Variants in HCN2 observed in about 807,000 individuals in gnomAD.
HCN2 encodes hyperpolarization activated cyclic nucleotide gated potassium and sodium channel 2.
In HCN2, 20 loss-of-function variants were observed where a neutral mutation model predicts 52.3. That is an observed-to-expected ratio of 0.38 (90% CI 0.27 to 0.56). The LOEUF (loss-of-function observed/expected upper bound fraction) is 0.56, where lower values mean the gene tolerates loss of function less well. HCN2 is among the 20% of genes least tolerant of loss of function. The pLI is 0.71. For missense variants in HCN2, 981 were observed against 1,207.7 expected, an observed-to-expected ratio of 0.81 and a Z score of 2.78; for synonymous variants, 694 against 537.0, an observed-to-expected ratio of 1.29 and a Z score of -4.04.
chr19:617,147 G>C lies in HCN2; in HGVS notation c.*673G>C. Reference sequence around the variant, plus strand: ...CCCCCATTCCGCGCAATAAACGACAGCATTGGCGCCAAGCCTGGCCGCGTG... The same window carrying C: ...CCCCCATTCCGCGCAATAAACGACACCATTGGCGCCAAGCCTGGCCGCGTG... On this transcript the variant is annotated 3_prime_UTR_variant, in exon 8 of 8. Coordinates refer to ENST00000251287, the MANE Select transcript of HCN2 (RefSeq NM_001194.4). 2 of 652,484 alleles carry C rather than the reference G, an allele frequency of 3.1e-6. No individual in the cohort carries two copies. Among genetic ancestry groups the C allele is most frequent in the Non-Finnish European group, 5.1e-6 (2 of 395,576 alleles). 40.4% of individuals were successfully genotyped at this position (652,484 alleles called of 1,614,324 possible). A position where few individuals can be genotyped will look rare whatever the true frequency, so the allele number is the denominator to read the frequency against.
At chr19:594,402 T>C (rs1247268355) in intron 1 of HCN2, among the ~76,000 whole-genome samples, 1 of 152,190 alleles carries the variant, frequency 6.6e-6, no homozygotes, top group Admixed American at 6.5e-5. Flanking sequence ...CGTCTCCTGC[T>C]GCTGCTGACT....
intron 3 of HCN2, 37 bp downstream of exon 3, chr19:605,259 G>T: frequency 1.2e-6 from 2 of 1,601,156 alleles, no homozygotes; most frequent in Non-Finnish European, 1.7e-6. Flanking sequence ...GGGAGACGCA[G>T]GCTCCCATAC....
At chr19:594,936 C>T (rs545372841) in intron 1 of HCN2, among the ~76,000 whole-genome samples, 3 of 152,172 alleles carry the variant, frequency 2.0e-5, no homozygotes, top group South Asian at 2.1e-4. Flanking sequence ...CACTGTGGCT[C>T]ATGCCTGTAA....
At chr19:598,572 C>T (rs1983106393) in intron 1 of HCN2, among the ~76,000 whole-genome samples, 1 of 152,092 alleles carries the variant, frequency 6.6e-6, no homozygotes, top group Admixed American at 6.5e-5. Context: ...TCCCAAGGTG[C>T]TGGCATTAGA....
chr19:597,893 C>T (rs1172427397), intron 1 of HCN2, among the ~76,000 whole-genome samples: 1 of 152,200 alleles, frequency 6.6e-6, no homozygotes, highest in African/African-American at 2.4e-5. Flanking sequence ...TTCTAGGTCC[C>T]CCTTGGTGGT....
At chr19:615,346 A>T (rs1983849689) in intron 7 of HCN2, among the ~76,000 whole-genome samples, 1 of 130,066 alleles carries the variant, frequency 7.7e-6, no homozygotes, top group Non-Finnish European at 1.5e-5. Flanking sequence ...CGTCTCTACT[A>T]AAAAAAAAAT....
In HCN2 at chr19:591,916, C is replaced by T. The variant is rs1234656370; in HGVS notation, c.632+1339C>T. Among the ~76,000 whole-genome samples the T allele has an allele frequency of 6.6e-6, 1 of 152,158 alleles. No individual in the cohort carries two copies. The highest frequency in any genetic ancestry group is 1.5e-5 in the Non-Finnish European group (1 of 68,014). On this transcript the variant is annotated intron_variant, in intron 1 of 7. Transcript: ENST00000251287. The surrounding 1 kb of genome is among the most constrained non-coding windows in gnomAD (Gnocchi z 4.1). ...GGAGGAAGGCCCTGGAATCCTCCTC[C>T]CACCCCAGGCCTTCCTGAGAGGTGA...
chr19:602,426 C>A (rs1983237218), intron 1 of HCN2, among the ~76,000 whole-genome samples: 3 of 147,742 alleles, frequency 2.0e-5, no homozygotes, highest in Admixed American at 2.0e-4. Flanking sequence ...CCTCCTCTCT[C>A]CTCCTGCGTG....
chr19:597,890 TC>T (rs1983086226), intron 1 of HCN2, among the ~76,000 whole-genome samples: 1 of 152,170 alleles, frequency 6.6e-6, no homozygotes, highest in African/African-American at 2.4e-5. Flanking sequence ...AGTTTCTAGG[TC>T]CCCCTTGGTG....
rs1381728593 is a variant in HCN2 at position 590,563 on chromosome 19, G to A, written c.618G>A (p.Pro206=). The stretch of plus-strand genomic sequence containing the variant: ...CGGCGGGGGCCTGGATCATCCACCC[G>A]TACAGCGACTTCAGGTACCGCCTCC... ...VKSAGAWIIH[P]YSDFRFYWDF... The change falls in exon 1 of 8, where the codon CCG becomes CCA. Residue 206 remains proline, a synonymous_variant. Transcript: ENST00000251287. The surrounding 1 kb of genome is among the most constrained non-coding windows in gnomAD (Gnocchi z 7.2). 4 of 1,454,008 alleles carry A rather than the reference G, an allele frequency of 2.8e-6. No homozygotes were observed. The highest frequency in any genetic ancestry group is 3.7e-6 in the Non-Finnish European group (4 of 1,089,774). 90.1% of individuals were successfully genotyped at this position (1,454,008 alleles called of 1,614,324 possible).
intron 1 of HCN2, among the ~76,000 whole-genome samples, chr19:602,429 C>G (rs1983237285): frequency 6.6e-6 from 1 of 151,372 alleles, no homozygotes. Context: ...CCTCTCTCCT[C>G]CTGCGTGGAC....
rs1982887739 is a variant in HCN2 at position 591,987 on chromosome 19, G to A, written c.632+1410G>A. ...CTGGATTTCGAGACAGGCCAGGGGT[G>A]GGAGGAGCCCCGAAATCCCCAGAGG... is the stretch of plus-strand genomic sequence containing the variant. On this transcript the variant is annotated intron_variant, in intron 1 of 7. Coordinates refer to ENST00000251287, the MANE Select transcript of HCN2 (RefSeq NM_001194.4). The surrounding 1 kb of genome is among the most constrained non-coding windows in gnomAD (Gnocchi z 4.1). Among the ~76,000 whole-genome samples, 1 of 152,194 alleles carries A rather than the reference G, an allele frequency of 6.6e-6. No individual in the cohort carries two copies. Among genetic ancestry groups the A allele is most frequent in the South Asian group, 2.1e-4 (1 of 4,834 alleles).
intron 1 of HCN2, among the ~76,000 whole-genome samples, chr19:601,403 G>A (rs939178522): frequency 1.3e-5 from 2 of 152,186 alleles, no homozygotes; most frequent in African/African-American, 4.8e-5. Flanking sequence ...ACTCCTTTTC[G>A]TGGCTGAGTC....
rs1308062091 is a variant in HCN2, at chr19:590,080, G to C, written c.135G>C (p.Pro45=). ...PPPPPPPAPP[P]GPGPAPPQHP... is the part of the protein sequence containing the mutation. Reference sequence around the variant, plus strand: ...CGCCGCCGCCGCCCGCGCCCCCCCCGGGCCCCGGGCCCGCGCCCCCCCAGC... The same window carrying C: ...CGCCGCCGCCGCCCGCGCCCCCCCCCGGCCCCGGGCCCGCGCCCCCCCAGC... Residue 45 remains proline (P), a synonymous_variant, in exon 1 of 8, where the codon CCG becomes CCC. Transcript: ENST00000251287. This position sits in a 1 kb window ranked among gnomAD's most constrained non-coding sequence, Gnocchi z 7.2. 1.7e-6 allele frequency: 1 copy of C among 584,334 alleles called. No individual in the cohort carries two copies. Among genetic ancestry groups the C allele is most frequent in the Non-Finnish European group, 2.1e-6 (1 of 474,300 alleles). The allele number at this position is 584,334 out of a possible 1,614,324, so 36.2% of individuals were successfully genotyped here. A position where few individuals can be genotyped will look rare whatever the true frequency, so the allele number is the denominator to read the frequency against.
Position 616,070 on chromosome 19 carries a change from C to G in HCN2, c.2266C>G (p.Arg756Gly). ...LVGPLALGSP[R>G]LVRRPPPGPA... Reference sequence around the variant, plus strand: ...GGGGCCGCTGGCGCTCGGCTCGCCGCGCCTCGTGCGCCGCCCGCCCCCGGG... The same window carrying G: ...GGGGCCGCTGGCGCTCGGCTCGCCGGGCCTCGTGCGCCGCCCGCCCCCGGG... The change falls in exon 8 of 8, where the codon CGC becomes GGC. Residue 756 changes from arginine to glycine, a missense_variant. By Grantham distance (125) the Arg-to-Gly change is moderately radical. This residue lies in a region of HCN2 where 368 missense variants were observed against 314.8 expected (regional missense o/e 1.17). Coordinates refer to ENST00000251287, the MANE Select transcript of HCN2 (RefSeq NM_001194.4). The G allele has an allele frequency of 9.1e-7, 1 of 1,101,862 alleles. No homozygotes were observed. The highest frequency in any genetic ancestry group is 4.3e-5 in the South Asian group (1 of 23,186). 68.3% of individuals were successfully genotyped at this position (1,101,862 alleles called of 1,614,324 possible).
rs991693691 is a variant in HCN2, at chr19:612,059, C to T, written c.1585-1189C>T. On this transcript the variant is annotated intron_variant, in intron 5 of 7. Coordinates refer to ENST00000251287, the MANE Select transcript of HCN2 (RefSeq NM_001194.4). ...ACTCTGGAGGCTGAGACAGGAGAAT[C>T]GCTTGAACCCAGGAGGCGGCGGTTG... Among the ~76,000 whole-genome samples, 14 of 152,142 alleles carry T rather than the reference C, an allele frequency of 9.2e-5. No individual in the cohort carries two copies. In the Middle Eastern group the frequency reaches 0.01, roughly 112 times the overall value.
chr19:604,508 A>T (rs1373806615), intron 2 of HCN2, among the ~76,000 whole-genome samples: 1 of 64,652 alleles, frequency 1.5e-5, no homozygotes, highest in Non-Finnish European at 3.0e-5. Context: ...GGTGGGGTCA[A>T]GGAGCAGGGG....
Position 595,905 on chromosome 19 carries a change from C to T in HCN2, c.632+5328C>T, listed in dbSNP as rs115735642. 9.5e-3 allele frequency among the ~76,000 whole-genome samples: 1,445 copies of T among 152,334 alleles called. 16 individuals carry two copies. The highest frequency in any genetic ancestry group is 0.025 in the African/African-American group (1,055 of 41,586). ...ATTGTCCCCATCTGTAAATCCTGGA[C>T]GGCCTCCGGCCTGAGGCTGGGCTCC... On this transcript the variant is annotated intron_variant, in intron 1 of 7. Transcript: ENST00000251287.
chr19:593,747 G>A (rs1982941816), intron 1 of HCN2, among the ~76,000 whole-genome samples: 1 of 152,202 alleles, frequency 6.6e-6, no homozygotes, highest in Non-Finnish European at 1.5e-5. Flanking sequence ...TCCCTGGGGT[G>A]CTGGTGGAAG....
Sources: allele counts gnomAD v4.1 joint callset (sites outside exome capture counted in the v4.1 genomes callset), GRCh38; gene constraint gnomAD v4.1.1; regional missense constraint gnomAD v4.1.1; non-coding constraint Gnocchi (gnomAD v3.1); transcripts MANE v1.5; gene names NCBI Gene and HGNC (gene_info 2026-07-23, HGNC 2026-07-21).